CTTNBP2NL: variants seen among roughly 807,000 people sequenced by gnomAD.
CTTNBP2NL encodes the protein CTTNBP2 N-terminal-like protein.
A neutral mutation model predicts 32.5 loss-of-function variants in CTTNBP2NL; 16 were observed. That is an observed-to-expected ratio of 0.49 (90% CI 0.33 to 0.75). CTTNBP2NL has a LOEUF of 0.75. Ranked by LOEUF, CTTNBP2NL falls within the 30% of genes least tolerant of loss-of-function variation. The probability of loss-of-function intolerance (pLI) is 0.02; values close to 1 mark genes in which losing one functional copy is unlikely to be tolerated. For missense variants in CTTNBP2NL, 645 were observed against 756.0 expected (o/e 0.85, Z 1.72); for synonymous variants, 298 against 289.4 (o/e 1.03, Z -0.30).
At chr1:112,416,716 C>T (rs1199333986) in intron 3 of CTTNBP2NL, among the ~76,000 whole-genome samples, 2 of 152,050 alleles carry the variant, frequency 1.3e-5, no homozygotes, top group African/African-American at 4.8e-5. Flanking sequence ...TGGTCTTGAT[C>T]TCTTGACCTG....
intron 3 of CTTNBP2NL, among the ~76,000 whole-genome samples, chr1:112,428,577 CT>C (rs1490551427): frequency 3.3e-5 from 5 of 152,038 alleles, no homozygotes; most frequent in Admixed American, 6.6e-5. Context: ...GAATAAAGAC[CT>C]TTTTATCATA....
chr1:112,437,872 GT>G (rs1649783328), intron 3 of CTTNBP2NL, among the ~76,000 whole-genome samples: 1 of 152,234 alleles, frequency 6.6e-6, no homozygotes, highest in African/African-American at 2.4e-5. Context: ...CAGATGCATA[GT>G]TTGCAAATAT....
At chr1:112,448,279 G>A (rs1009116835) in intron 3 of CTTNBP2NL, among the ~76,000 whole-genome samples, 3 of 152,174 alleles carry the variant, frequency 2.0e-5, no homozygotes, top group African/African-American at 7.2e-5. Context: ...TGGTTATGAG[G>A]TGCCTCCATC....
At chr1:112,452,335 C>CTTTTTT (rs1157736195) in intron 4 of CTTNBP2NL, among the ~76,000 whole-genome samples, 1 of 65,720 alleles carries the variant, frequency 1.5e-5, no homozygotes, top group African/African-American at 6.1e-5. Flanking sequence ...CCAGTCTCTT[C>CTTTTTT]TTTTTTTTTT....
At chr1:112,435,142 CAAAAAAAA>C (rs5777114) in intron 3 of CTTNBP2NL, among the ~76,000 whole-genome samples, 3 of 86,000 alleles carry the variant, frequency 3.5e-5, no homozygotes, top group Admixed American at 1.6e-4. Flanking sequence ...GACTCTGTCT[CAAAAAAAA>C]AAAAAAAAAA....
chr1:112,409,611 C>T (rs760331435), intron 1 of CTTNBP2NL, among the ~76,000 whole-genome samples: 1 of 152,104 alleles, frequency 6.6e-6, no homozygotes, highest in Non-Finnish European at 1.5e-5. Context: ...TCCACCCTGC[C>T]CTGCCCTGTC....
chr1:112,435,765 C>T (rs1649710060), intron 3 of CTTNBP2NL, among the ~76,000 whole-genome samples: 1 of 152,060 alleles, frequency 6.6e-6, no homozygotes, highest in South Asian at 2.1e-4. Context: ...AAATTATTTC[C>T]TATTACTTCT....
upstream of CTTNBP2NL, among the ~76,000 whole-genome samples, chr1:112,395,162 A>G (rs1648283854): frequency 6.6e-6 from 1 of 152,216 alleles, no homozygotes; most frequent in Non-Finnish European, 1.5e-5. Context: ...TTTAGGGATA[A>G]TGTATTAAGT....
At chr1:112,427,071 A>G (rs1391734808) in intron 3 of CTTNBP2NL, among the ~76,000 whole-genome samples, 1 of 152,204 alleles carries the variant, frequency 6.6e-6, no homozygotes, top group African/African-American at 2.4e-5. Flanking sequence ...TCCAAAGACA[A>G]AAATACAAAG....
rs1650376280 is a variant in CTTNBP2NL at position 112,456,710 on chromosome 1, C to T, written c.1218C>T (p.Leu406=). Residue 406 remains leucine (L), a synonymous_variant, in exon 6 of 6, where the codon CTC becomes CTT. Coordinates refer to ENST00000271277, the MANE Select transcript of CTTNBP2NL (RefSeq NM_018704.3). ...IETPVPMPSP[L]SSSGSSLSPS... ...CTCCAGTCCCAATGCCCAGTCCCCT[C>T]TCTTCCAGTGGGAGCTCACTGTCTC... 1.9e-6 allele frequency: 3 copies of T among 1,614,060 alleles called. No individual in the cohort carries two copies. Among genetic ancestry groups the T allele is most frequent in the Non-Finnish European group, 2.5e-6 (3 of 1,180,048 alleles).
At chr1:112,432,654 C>T (rs1202293944) in intron 3 of CTTNBP2NL, among the ~76,000 whole-genome samples, 1 of 151,674 alleles carries the variant, frequency 6.6e-6, no homozygotes, top group African/African-American at 2.4e-5. Context: ...CATACTCCAT[C>T]AGTTACACCT....
chr1:112,453,160 T>G (rs2492534), intron 4 of CTTNBP2NL, among the ~76,000 whole-genome samples: 86,708 of 151,150 alleles, frequency 0.57, 25,526 homozygotes, highest in South Asian at 0.7. Context: ...GAGGGAGAAA[T>G]AAATGGCTGG....
In CTTNBP2NL at chr1:112,457,153, A is replaced by G. The variant is rs370914460; in HGVS notation, c.1661A>G (p.Lys554Arg). Residue 554 changes from lysine (K) to arginine (R), a missense_variant, in exon 6 of 6, where the codon AAA becomes AGA. Coordinates refer to ENST00000271277, the MANE Select transcript of CTTNBP2NL (RefSeq NM_018704.3). The stretch of plus-strand genomic sequence containing the variant: ...ACAAGCCATTCACCTACTCCAGGGA[A>G]AGTGTCCAGTCCCCTGAGCCCCCTG... ...GDTSHSPTPG[K>R]VSSPLSPLSP... is the part of the protein sequence containing the mutation. 1.2e-5 allele frequency: 19 copies of G among 1,614,038 alleles called. No homozygotes were observed. The highest frequency in any genetic ancestry group is 1.5e-5 in the Non-Finnish European group (18 of 1,180,018).
At chr1:112,453,206 C>G (rs1394115729) in intron 4 of CTTNBP2NL, among the ~76,000 whole-genome samples, 2 of 151,938 alleles carry the variant, frequency 1.3e-5, no homozygotes, top group Non-Finnish European at 2.9e-5. Context: ...CCTCCTGCCT[C>G]TGCCTCCCAA....
intron 3 of CTTNBP2NL, among the ~76,000 whole-genome samples, chr1:112,418,204 G>A (rs1186875625): frequency 6.6e-6 from 1 of 152,124 alleles, no homozygotes; most frequent in Non-Finnish European, 1.5e-5. Context: ...CAAGGCTTGA[G>A]TTTCTTTCAG....
At chr1:112,426,519 C>G (rs1466529974) in intron 3 of CTTNBP2NL, among the ~76,000 whole-genome samples, 1 of 151,136 alleles carries the variant, frequency 6.6e-6, no homozygotes, top group Non-Finnish European at 1.5e-5. Context: ...TAGCAAGACC[C>G]CATCTCTAAA....
At chr1:112,416,063 C>T (rs1158085437) in intron 2 of CTTNBP2NL, 94 bp from the exon 3 acceptor site, 2 of 714,224 alleles carry the variant, frequency 2.8e-6, no homozygotes, top group African/African-American at 3.7e-5. Context: ...GCATTTGATA[C>T]TATAATTGCT....
At chr1:112,443,423 A>T (rs1649951266) in intron 3 of CTTNBP2NL, among the ~76,000 whole-genome samples, 1 of 152,236 alleles carries the variant, frequency 6.6e-6, no homozygotes, top group Non-Finnish European at 1.5e-5. Context: ...CATGTTGGCC[A>T]GGCTGGTCTT....
At chr1:112,434,886 T>G (rs1557892884) in intron 3 of CTTNBP2NL, among the ~76,000 whole-genome samples, 1 of 152,130 alleles carries the variant, frequency 6.6e-6, no homozygotes, top group Non-Finnish European at 1.5e-5. Flanking sequence ...CTCATGCTGG[T>G]AATCCCAGCA....
Sources: allele counts gnomAD v4.1 joint callset (sites outside exome capture counted in the v4.1 genomes callset), GRCh38; gene constraint gnomAD v4.1.1; transcripts MANE v1.5; gene names NCBI Gene and HGNC (gene_info 2026-07-23, HGNC 2026-07-21).